Variants in PDE6A observed in about 807,000 individuals in gnomAD.
The protein encoded by PDE6A is phosphodiesterase 6A.
A neutral mutation model predicts 106.3 loss-of-function variants in PDE6A; 84 were observed. That is an observed-to-expected ratio of 0.79 (90% CI 0.66 to 0.95). The LOEUF (loss-of-function observed/expected upper bound fraction) is 0.95, where lower values mean the gene tolerates loss of function less well. Among genes scored for constraint, PDE6A ranks in the 40% least tolerant of loss-of-function variants. PDE6A has a pLI of 0.00. For missense variants in PDE6A, 1,052 were observed against 1,084.9 expected (o/e 0.97, Z 0.43); for synonymous variants, 394 against 386.6 (o/e 1.02, Z -0.23).
chr5:149,859,243 A>G lies in PDE6A; in HGVS notation c.*1652T>C, dbSNP rs1024632092. 9.2e-5 allele frequency: 14 copies of G among 152,250 alleles called. No homozygotes were observed. Among genetic ancestry groups the G allele is most frequent in the African/African-American group, 3.4e-4 (14 of 41,474 alleles). The allele number at this position is 152,250 out of a possible 1,614,324, so 9.4% of individuals were successfully genotyped here. ...AAATCAATGAAAAATCCAAGAATAA[A>G]AAGTACATCTTCTTTTTTCTAAAAA... On this transcript the variant is annotated 3_prime_UTR_variant, in exon 22 of 22. Transcript: ENST00000255266.
chr5:149,907,507 G>T, intron 6 of PDE6A, 129 bp from the exon 7 acceptor site: 1 of 719,350 alleles, frequency 1.4e-6, no homozygotes, highest in Admixed American at 2.0e-5. Context: ...CACTACACCT[G>T]ACCAAACCCA....
At chr5:149,887,028 G>C (rs532019745) in intron 13 of PDE6A, among the ~76,000 whole-genome samples, 2 of 152,202 alleles carry the variant, frequency 1.3e-5, no homozygotes, top group African/African-American at 2.4e-5. Context: ...TCAGCCAAGG[G>C]GGAAGGGATG....
intron 3 of PDE6A, 41 bp from the exon 4 acceptor site, chr5:149,931,209 A>T: frequency 6.3e-7 from 1 of 1,597,072 alleles, no homozygotes; most frequent in Non-Finnish European, 8.6e-7. Flanking sequence ...TTTGAGGTGC[A>T]AAGTAGTAGC....
intron 16 of PDE6A, 93 bp downstream of exon 16, chr5:149,884,386 A>ATGTGTATATATGTATATATATG (rs1761061526): frequency 3.9e-6 from 3 of 764,274 alleles, no homozygotes; most frequent in East Asian, 5.4e-5. Flanking sequence ...GTGTATATAT[A>ATGTGTATATATGTATATATATG]TGTGTATATA....
chr5:149,931,211 A>C, intron 3 of PDE6A, 43 bp from the exon 4 acceptor site: 2 of 1,597,390 alleles, frequency 1.3e-6, no homozygotes, highest in Admixed American at 1.7e-5. Flanking sequence ...TGAGGTGCAA[A>C]GTAGTAGCTC....
At chr5:149,884,383 T>C in intron 16 of PDE6A, 96 bp downstream of exon 16, 1 of 756,096 alleles carries the variant, frequency 1.3e-6, no homozygotes, top group South Asian at 1.5e-5. Flanking sequence ...TGTGTGTATA[T>C]ATATGTGTAT....
In PDE6A at chr5:149,898,407, T is replaced by A. The variant is rs536201841; in HGVS notation, c.1363A>T (p.Lys455Ter). Reference protein sequence around the residue: ...NRKDIFQDIVKYHVKCDNEEI... With the variant: ...NRKDIFQDIV ...TCATTGTCACACTTCACATGATATT[T>A]TACTATGTCCTGGAAAATATCCTTC... Residue 455 changes from lysine to a stop codon, truncating the protein, a stop_gained, in exon 10 of 22, where the codon AAA (lysine) becomes TAA (stop). Coordinates refer to ENST00000255266, the MANE Select transcript of PDE6A (RefSeq NM_000440.3). LOFTEE classifies it high-confidence loss of function. 1 of 1,613,498 alleles carries A rather than the reference T, an allele frequency of 6.2e-7. No individual in the cohort carries two copies. Among genetic ancestry groups the A allele is most frequent in the Non-Finnish European group, 8.5e-7 (1 of 1,179,554 alleles).
chr5:149,876,714 C>T (rs1197668307), intron 17 of PDE6A, among the ~76,000 whole-genome samples: 1 of 152,166 alleles, frequency 6.6e-6, no homozygotes, highest in Admixed American at 6.5e-5. Context: ...CCATGTTCCC[C>T]AGGCTGGTCT....
At position 149,944,741 on chromosome 5, in the gene PDE6A, G is replaced by C. The variant is rs1348867467; in HGVS notation, c.-68C>G. ...GAGGCCTTCCAATGGCAGTTTTGCA[G>C]TCTGCAACAAGTCCAGTCTGGACTT... On this transcript the variant is annotated 5_prime_UTR_variant, in exon 1 of 22. Coordinates refer to ENST00000255266, the MANE Select transcript of PDE6A (RefSeq NM_000440.3). 2 of 1,303,818 alleles carry C rather than the reference G, an allele frequency of 1.5e-6. No homozygotes were observed. Among genetic ancestry groups the C allele is most frequent in the East Asian group, 4.9e-5 (2 of 40,662 alleles). The allele number at this position is 1,303,818 out of a possible 1,614,324, so 80.8% of individuals were successfully genotyped here. A position where few individuals can be genotyped will look rare whatever the true frequency, so the allele number is the denominator to read the frequency against.
intron 17 of PDE6A, among the ~76,000 whole-genome samples, chr5:149,876,572 G>T (rs533485406): frequency 1.3e-4 from 19 of 151,954 alleles, no homozygotes; most frequent in African/African-American, 4.1e-4. Flanking sequence ...GTTCCATACC[G>T]GCTCACTGCA....
At chr5:149,893,637 C>A (rs751020242) in intron 13 of PDE6A, among the ~76,000 whole-genome samples, 7 of 152,170 alleles carry the variant, frequency 4.6e-5, no homozygotes, top group Non-Finnish European at 8.8e-5. Flanking sequence ...TATGGTTATG[C>A]AACCTTACAG....
At position 149,914,951 on chromosome 5, in the gene PDE6A, T is replaced by C. The variant is rs774770370; in HGVS notation, c.990A>G (p.Lys330=). The C allele has an allele frequency of 6.2e-7, 1 of 1,608,066 alleles. No individual in the cohort carries two copies. The highest frequency in any genetic ancestry group is 1.7e-5 in the Admixed American group (1 of 59,990). The change falls in exon 6 of 22, where the codon AAA becomes AAG. Residue 330 remains lysine (K), a synonymous_variant. Coordinates refer to ENST00000255266, the MANE Select transcript of PDE6A (RefSeq NM_000440.3). ...TGACAGGTGAAACTTACGGGATGAC[T>C]TTGATGTCCTCTTTGCCATGCAGGA... ...DYILHGKEDI[K]VIPNPPPDHW...
At chr5:149,935,265 AGTGTGT>A (rs60720493) in intron 1 of PDE6A, among the ~76,000 whole-genome samples, 1 of 149,750 alleles carries the variant, frequency 6.7e-6, no homozygotes, top group African/African-American at 2.5e-5. Context: ...TGTGTGTGTG[AGTGTGT>A]GTGTGTGTGT....
intron 17 of PDE6A, among the ~76,000 whole-genome samples, chr5:149,882,051 AAAAT>A (rs150887967): frequency 0.041 from 5,848 of 144,300 alleles, 147 homozygotes; most frequent in African/African-American, 0.049. Context: ...CCCTGTCTCA[AAAAT>A]AAATAAATAA....
chr5:149,927,404 A>C (rs988795500), intron 4 of PDE6A, among the ~76,000 whole-genome samples: 1 of 152,178 alleles, frequency 6.6e-6, no homozygotes, highest in African/African-American at 2.4e-5. Context: ...TTCTTTCTTC[A>C]ATAGTAAATT....
chr5:149,883,012 C>T (rs769035554), intron 17 of PDE6A, among the ~76,000 whole-genome samples: 3 of 152,222 alleles, frequency 2.0e-5, no homozygotes, highest in East Asian at 3.9e-4. Context: ...AAGCCGAGAT[C>T]GCACCACTAC....
At position 149,860,637 on chromosome 5, in the gene PDE6A, A is replaced by ATTT; in HGVS notation, c.*255_*257dup. 3 of 347,502 alleles carry ATTT rather than the reference A, an allele frequency of 8.6e-6. No individual in the cohort carries two copies. Among genetic ancestry groups the ATTT allele is most frequent in the Non-Finnish European group, 1.6e-5 (3 of 192,526 alleles). The allele number at this position is 347,502 out of a possible 1,614,324, so 21.5% of individuals were successfully genotyped here. A position where few individuals can be genotyped will look rare whatever the true frequency, so the allele number is the denominator to read the frequency against. On this transcript the variant is annotated 3_prime_UTR_variant, in exon 22 of 22. Coordinates refer to ENST00000255266, the MANE Select transcript of PDE6A (RefSeq NM_000440.3). ...ATAAACTTTCTTAAAACATTATGAA[A>ATTT]TTTTTTTTTTTGGCGATTTTTTTTT... is the stretch of plus-strand genomic sequence containing the variant.
chr5:149,909,940 T>G (rs1314934546), intron 6 of PDE6A, among the ~76,000 whole-genome samples: 1 of 152,352 alleles, frequency 6.6e-6, no homozygotes, highest in African/African-American at 2.4e-5. Context: ...ATTTATTAGG[T>G]TAAATTCATT....
intron 6 of PDE6A, among the ~76,000 whole-genome samples, chr5:149,914,493 T>C (rs1753490247): frequency 2.6e-5 from 4 of 152,188 alleles, no homozygotes; most frequent in Admixed American, 2.6e-4. Context: ...TAAAAATCAG[T>C]GTGGAGTCAC....
Sources: gnomAD v4.1 joint callset for allele counts (sites outside exome capture counted in the v4.1 genomes callset) on GRCh38, gnomAD v4.1.1 for gene constraint, MANE v1.5 for transcripts, NCBI Gene and HGNC (gene_info 2026-07-23, HGNC 2026-07-21) for gene names.